GLRA3: variants seen among roughly 807,000 people sequenced by gnomAD.
The protein encoded by GLRA3 is glycine receptor alpha 3.
A neutral mutation model predicts 60.4 loss-of-function variants in GLRA3; 44 were observed. That is an observed-to-expected ratio of 0.73 (90% CI 0.57 to 0.94). The LOEUF (loss-of-function observed/expected upper bound fraction) is 0.94, where lower values mean the gene tolerates loss of function less well. Ranked by LOEUF, GLRA3 falls within the 40% of genes least tolerant of loss-of-function variation. GLRA3 has a pLI of 0.00. For missense variants in GLRA3, 508 were observed against 564.6 expected (o/e 0.90, Z 1.02); for synonymous variants, 223 against 192.9 (o/e 1.16, Z -1.29).
rs77375456 is a variant in GLRA3, at chr4:174,772,970, T to G, written c.200-5940A>C. The stretch of plus-strand genomic sequence containing the variant: ...CTACCCCTTCGGTTTCTGGTGCACA[T>G]GAGATTAGTGCAGCAATCTTGGAGT... On this transcript the variant is annotated intron_variant, in intron 2 of 9. Coordinates refer to ENST00000274093, the MANE Select transcript of GLRA3 (RefSeq NM_006529.4). Among the ~76,000 whole-genome samples the G allele has an allele frequency of 5.7e-3, 864 of 152,224 alleles. 7 individuals carry two copies. The highest frequency in any genetic ancestry group is 0.019 in the African/African-American group (774 of 41,562).
Position 174,643,293 on chromosome 4 carries a change from A to G in GLRA3, c.*493T>C. On this transcript the variant is annotated 3_prime_UTR_variant, in exon 10 of 10. Transcript: ENST00000274093. ...TTGTTTAAATAGTATTTATATGTACAATCCTCCATTAATATGAGTGAATTT... is the reference window on the plus strand; with the variant it reads ...TTGTTTAAATAGTATTTATATGTACGATCCTCCATTAATATGAGTGAATTT... 2 of 663,404 alleles carry G rather than the reference A, an allele frequency of 3.0e-6. No homozygotes were observed. Among genetic ancestry groups the G allele is most frequent in the South Asian group, 1.4e-4 (2 of 14,356 alleles). 41.1% of individuals were successfully genotyped at this position (663,404 alleles called of 1,614,324 possible). A position where few individuals can be genotyped will look rare whatever the true frequency, so the allele number is the denominator to read the frequency against.
At chr4:174,651,617 T>C (rs1029083417) in intron 9 of GLRA3, among the ~76,000 whole-genome samples, 12 of 152,136 alleles carry the variant, frequency 7.9e-5, no homozygotes, top group African/African-American at 2.9e-4. Context: ...AAAATAGGCC[T>C]ACCCAGTCAC....
intron 3 of GLRA3, among the ~76,000 whole-genome samples, chr4:174,759,197 A>G (rs1218369272): frequency 6.6e-6 from 1 of 152,122 alleles, no homozygotes; most frequent in Non-Finnish European, 1.5e-5. Flanking sequence ...GGAAGAAATT[A>G]ACATGTTACT....
intron 6 of GLRA3, among the ~76,000 whole-genome samples, chr4:174,681,513 G>A (rs779998485): frequency 6.6e-6 from 1 of 152,156 alleles, no homozygotes; most frequent in African/African-American, 2.4e-5. Context: ...ACACACAGGG[G>A]AATCCCATGT....
chr4:174,694,044 A>G (rs1734959218), intron 5 of GLRA3, among the ~76,000 whole-genome samples: 1 of 145,010 alleles, frequency 6.9e-6, no homozygotes, highest in Non-Finnish European at 1.5e-5. Context: ...TAACTGTCCT[A>G]AATATATATG....
At chr4:174,784,593 A>G (rs1739045950) in intron 2 of GLRA3, among the ~76,000 whole-genome samples, 1 of 152,060 alleles carries the variant, frequency 6.6e-6, no homozygotes, top group Non-Finnish European at 1.5e-5. Context: ...AACCATTTCT[A>G]TACATAACAT....
chr4:174,816,421 T>C (rs1740501973), intron 1 of GLRA3, among the ~76,000 whole-genome samples: 1 of 152,210 alleles, frequency 6.6e-6, no homozygotes, highest in South Asian at 2.1e-4. Flanking sequence ...TCCAGTTCTG[T>C]ATATTTATTA....
At chr4:174,807,809 A>G (rs1027523206) in intron 1 of GLRA3, among the ~76,000 whole-genome samples, 2 of 152,178 alleles carry the variant, frequency 1.3e-5, no homozygotes, top group African/African-American at 4.8e-5. Context: ...TCTATGAATC[A>G]GAAGTAACTA....
chr4:174,708,811 C>CT (rs140269294), intron 5 of GLRA3, among the ~76,000 whole-genome samples: 166 of 134,826 alleles, frequency 1.2e-3, no homozygotes, highest in African/African-American at 3.8e-3. Context: ...TCCTTCCTGG[C>CT]TTTTTTTTTT....
At chr4:174,659,225 C>A (rs779878360) in intron 7 of GLRA3, 28 bp from the exon 8 acceptor site, 2 of 1,578,384 alleles carry the variant, frequency 1.3e-6, no homozygotes, top group South Asian at 1.1e-5. Flanking sequence ...AGAAAGCAAG[C>A]AAATTCACTT....
rs114076940 is a variant in GLRA3, at chr4:174,811,578, T to C, written c.71+17163A>G. ...GCCATAGGTTATATCACAAATGTGG[T>C]TCTCATTCACTGGTTTTCAATGTTG... On this transcript the variant is annotated intron_variant, in intron 1 of 9. Coordinates refer to ENST00000274093, the MANE Select transcript of GLRA3 (RefSeq NM_006529.4). Among the ~76,000 whole-genome samples, 838 of 152,278 alleles carry C rather than the reference T, an allele frequency of 5.5e-3. 7 individuals carry two copies. Among genetic ancestry groups the C allele is most frequent in the African/African-American group, 0.019 (806 of 41,566 alleles).
chr4:174,721,109 A>T (rs1438035847), intron 4 of GLRA3, among the ~76,000 whole-genome samples: 1 of 150,922 alleles, frequency 6.6e-6, no homozygotes, highest in Non-Finnish European at 1.5e-5. Context: ...GCACACTGGA[A>T]CCTCCACCTC....
chr4:174,657,962 A>G (rs544270281), intron 8 of GLRA3, among the ~76,000 whole-genome samples: 15 of 152,246 alleles, frequency 9.9e-5, no homozygotes, highest in Middle Eastern at 3.4e-3. Context: ...TAGAAATGAT[A>G]AGTAAAGTTA....
intron 2 of GLRA3, among the ~76,000 whole-genome samples, chr4:174,786,718 A>C (rs186983583): frequency 1.3e-5 from 2 of 152,314 alleles, no homozygotes; most frequent in East Asian, 3.9e-4. Flanking sequence ...ACAAAGCAAA[A>C]GTGTTAGCTA....
At chr4:174,775,772 G>A (rs1314573660) in intron 2 of GLRA3, among the ~76,000 whole-genome samples, 1 of 152,078 alleles carries the variant, frequency 6.6e-6, no homozygotes, top group African/African-American at 2.4e-5. Flanking sequence ...ATGACACCTT[G>A]AAGCTTCTAT....
intron 1 of GLRA3, among the ~76,000 whole-genome samples, chr4:174,790,709 G>C (rs1384595807): frequency 2.0e-5 from 3 of 151,438 alleles, no homozygotes; most frequent in Non-Finnish European, 4.4e-5. Flanking sequence ...GGCCGGGTGC[G>C]GTGGCTCACG....
intron 9 of GLRA3, among the ~76,000 whole-genome samples, chr4:174,649,844 A>G (rs533678314): frequency 6.6e-6 from 1 of 152,126 alleles, no homozygotes; most frequent in Non-Finnish European, 1.5e-5. Flanking sequence ...GGTAAAAAAA[A>G]AAGTCAAACA....
chr4:174,780,173 A>G (rs1393738350), intron 2 of GLRA3, among the ~76,000 whole-genome samples: 17 of 143,794 alleles, frequency 1.2e-4, no homozygotes, highest in Admixed American at 1.1e-3. Context: ...ATTCTTAAAG[A>G]AAAGAATTTT....
intron 5 of GLRA3, among the ~76,000 whole-genome samples, chr4:174,714,897 T>C (rs964170676): frequency 6.6e-6 from 1 of 152,196 alleles, no homozygotes; most frequent in African/African-American, 2.4e-5. Flanking sequence ...GAGGAATACC[T>C]GAAAGCTTGA....
Sources: gnomAD v4.1 joint callset for allele counts (sites outside exome capture counted in the v4.1 genomes callset) on GRCh38, gnomAD v4.1.1 for gene constraint, MANE v1.5 for transcripts, NCBI Gene and HGNC (gene_info 2026-07-23, HGNC 2026-07-21) for gene names.